The following LRRC4C variants were observed in gnomAD, a reference collection of about 807,000 sequenced individuals.
The protein encoded by LRRC4C is leucine-rich repeat-containing protein 4C.
Under a neutral mutation model 33.6 loss-of-function variants are expected in LRRC4C, and 5 were observed. The ratio of observed to expected loss-of-function variants is 0.15; its 90% CI spans 0.08 to 0.31. The LOEUF is 0.31. LRRC4C is among the 10% of genes least tolerant of loss of function. The pLI is 1.00. For missense variants in LRRC4C, 560 were observed against 796.7 expected (o/e 0.70, Z 3.58); for synonymous variants, 329 against 302.0 (o/e 1.09, Z -0.93).
chr11:40,266,605 G>C (rs899142463), intron 4 of LRRC4C, among the ~76,000 whole-genome samples: 1 of 152,074 alleles, frequency 6.6e-6, no homozygotes, highest in African/African-American at 2.4e-5. Flanking sequence ...GAAGTATTAT[G>C]TATTACTTAA....
At chr11:40,708,837 G>C (rs1946315108) in intron 2 of LRRC4C, among the ~76,000 whole-genome samples, 1 of 152,086 alleles carries the variant, frequency 6.6e-6, no homozygotes, top group African/African-American at 2.4e-5. Context: ...TATTGTGTGG[G>C]AGTCTAAGTC....
chr11:40,401,681 G>A (rs1420774193), intron 3 of LRRC4C, among the ~76,000 whole-genome samples: 1 of 152,110 alleles, frequency 6.6e-6, no homozygotes, highest in African/African-American at 2.4e-5. Context: ...ATGAGTGTGT[G>A]TTGCCCTCTA....
intron 2 of LRRC4C, among the ~76,000 whole-genome samples, chr11:40,852,297 G>T (rs942988956): frequency 2.0e-5 from 3 of 151,998 alleles, no homozygotes; most frequent in Non-Finnish European, 2.9e-5. Flanking sequence ...AGGAAGGCAG[G>T]TCTCATTTCC....
intron 2 of LRRC4C, among the ~76,000 whole-genome samples, chr11:40,674,002 A>C (rs1366978459): frequency 6.6e-6 from 1 of 152,200 alleles, no homozygotes; most frequent in Admixed American, 6.5e-5. Context: ...CTCAATGCTC[A>C]GTCATCATCT....
At chr11:40,378,491 T>C (rs989520251) in intron 3 of LRRC4C, among the ~76,000 whole-genome samples, 1 of 151,938 alleles carries the variant, frequency 6.6e-6, no homozygotes, top group East Asian at 1.9e-4. Context: ...AAAGATAGTG[T>C]TTGGGGTGTA....
chr11:40,959,274 GA>G (rs2136840964), intron 1 of LRRC4C, among the ~76,000 whole-genome samples: 1 of 151,670 alleles, frequency 6.6e-6, no homozygotes, highest in Non-Finnish European at 1.5e-5. Flanking sequence ...GTGTCTCATA[GA>G]ATTACCTAAT....
chr11:40,254,553 A>C (rs2136205950), intron 4 of LRRC4C, among the ~76,000 whole-genome samples: 1 of 152,292 alleles, frequency 6.6e-6, no homozygotes, highest in South Asian at 2.1e-4. Context: ...TATCTATTCA[A>C]CTCCTCCTTT....
intron 2 of LRRC4C, among the ~76,000 whole-genome samples, chr11:40,902,649 C>T (rs891742576): frequency 1.3e-5 from 2 of 152,138 alleles, no homozygotes; most frequent in African/African-American, 4.8e-5. Flanking sequence ...AAAAGTGCTC[C>T]TCCGGTGACC....
At chr11:40,598,969 C>T (rs150767990) in intron 3 of LRRC4C, among the ~76,000 whole-genome samples, 102 of 152,238 alleles carry the variant, frequency 6.7e-4, no homozygotes, top group African/African-American at 2.2e-3. Context: ...ATGAGTGGGC[C>T]GCTGTCTATA....
Position 40,807,968 on chromosome 11 carries a change from T to A in LRRC4C, c.-407+125667A>T, listed in dbSNP as rs377068861. Among the ~76,000 whole-genome samples the A allele has an allele frequency of 3.9e-5, 6 of 152,300 alleles. No individual in the cohort carries two copies. In the South Asian group the frequency reaches 6.2e-4, roughly 16 times the overall value. The stretch of plus-strand genomic sequence containing the variant: ...TTGGAAAAAAATTACATCAGGTACA[T>A]CTGGATCTGAACCCTCTTTCTGCTA... On this transcript the variant is annotated intron_variant, in intron 2 of 6. Coordinates refer to ENST00000528697, the MANE Select transcript of LRRC4C (RefSeq NM_001258419.2).
At chr11:40,964,511 C>T (rs1851199626) in intron 1 of LRRC4C, among the ~76,000 whole-genome samples, 1 of 135,368 alleles carries the variant, frequency 7.4e-6, no homozygotes, top group Non-Finnish European at 1.6e-5. Flanking sequence ...CTAATGCTAT[C>T]CCTTCCCCCT....
intron 1 of LRRC4C, among the ~76,000 whole-genome samples, chr11:41,268,667 A>G (rs1009574565): frequency 6.6e-6 from 1 of 152,114 alleles, no homozygotes; most frequent in Non-Finnish European, 1.5e-5. Flanking sequence ...TTGGGATACA[A>G]ATATTACTTC....
intron 1 of LRRC4C, among the ~76,000 whole-genome samples, chr11:41,208,231 G>A (rs1298398753): frequency 1.3e-5 from 2 of 152,126 alleles, no homozygotes; most frequent in African/African-American, 4.8e-5. Flanking sequence ...CTAGTGTTTT[G>A]TGGAAGGTGG....
intron 3 of LRRC4C, among the ~76,000 whole-genome samples, chr11:40,324,799 C>T (rs546373058): frequency 1.1e-4 from 17 of 152,262 alleles, no homozygotes; most frequent in African/African-American, 3.8e-4. Context: ...TGGGGTCAGA[C>T]AGGGTTTCTT....
intron 2 of LRRC4C, among the ~76,000 whole-genome samples, chr11:40,761,052 TC>T (rs2137071109): frequency 6.6e-6 from 1 of 151,794 alleles, no homozygotes; most frequent in South Asian, 2.1e-4. Context: ...ATGAAGCACA[TC>T]TAAACCCATA....
chr11:41,377,909 G>A (rs1265359461), intron 1 of LRRC4C, among the ~76,000 whole-genome samples: 4 of 152,106 alleles, frequency 2.6e-5, no homozygotes, highest in Non-Finnish European at 4.4e-5. Flanking sequence ...AGCTGGATGC[G>A]CCAGGAGGCA....
chr11:40,781,144 G>A (rs1234789659), intron 2 of LRRC4C, among the ~76,000 whole-genome samples: 2 of 151,978 alleles, frequency 1.3e-5, no homozygotes, highest in Non-Finnish European at 2.9e-5. Flanking sequence ...TGCTGAATAT[G>A]GCAGGCAATT....
intron 1 of LRRC4C, among the ~76,000 whole-genome samples, chr11:41,220,551 C>T (rs960500628): frequency 6.6e-6 from 1 of 150,814 alleles, no homozygotes; most frequent in South Asian, 2.1e-4. Flanking sequence ...CACACACACA[C>T]ACACACACAC....
intron 5 of LRRC4C, among the ~76,000 whole-genome samples, chr11:40,204,063 C>T (rs534849780): frequency 6.6e-6 from 1 of 152,242 alleles, no homozygotes; most frequent in Non-Finnish European, 1.5e-5. Flanking sequence ...ACTGGGACTA[C>T]AGGTGTGTAC....
Sources: gnomAD v4.1 joint callset for allele counts (sites outside exome capture counted in the v4.1 genomes callset) on GRCh38, gnomAD v4.1.1 for gene constraint, MANE v1.5 for transcripts, NCBI Gene and HGNC (gene_info 2026-07-23, HGNC 2026-07-21) for gene names.